The following PPP1R16B variants were observed in gnomAD, a reference collection of about 807,000 sequenced individuals.
PPP1R16B encodes the protein protein phosphatase 1 regulatory subunit 16B.
PPP1R16B carries 14 observed loss-of-function variants against 61.7 expected under a neutral mutation model. That is an observed-to-expected ratio of 0.23 (90% CI 0.15 to 0.35). PPP1R16B has a LOEUF of 0.35. Ranked by LOEUF, PPP1R16B falls within the 10% of genes least tolerant of loss-of-function variation. The probability of loss-of-function intolerance (pLI) is 1.00; values close to 1 mark genes in which losing one functional copy is unlikely to be tolerated. For synonymous variants in PPP1R16B, 266 were observed against 305.3 expected (o/e 0.87, Z 1.34); for missense variants, 547 against 752.5 (o/e 0.73, Z 3.19).
At chr20:38,867,934 A>T (rs902352599) in intron 2 of PPP1R16B, among the ~76,000 whole-genome samples, 1 of 152,160 alleles carries the variant, frequency 6.6e-6, no homozygotes, top group Non-Finnish European at 1.5e-5. Context: ...TGGCCTCCCT[A>T]AGTGCCAGGA....
At chr20:38,911,088 C>T (rs1174908916) in intron 10 of PPP1R16B, among the ~76,000 whole-genome samples, 1 of 152,010 alleles carries the variant, frequency 6.6e-6, no homozygotes, top group Admixed American at 6.6e-5. Context: ...TCAAATGATC[C>T]TCTTGCCTCA....
Position 38,902,814 on chromosome 20 carries a change from A to G in PPP1R16B, c.696+22A>G, listed in dbSNP as rs1324970627. The G allele has an allele frequency of 1.9e-6, 3 of 1,613,928 alleles. No homozygotes were observed. The South Asian group carries it at 3.3e-5, about 18-fold the overall frequency. ...ACTGGTGAGGAGATGGGCCAGTACC[A>G]AAACCAAGACCAGCTAGGTCCGAAG... On this transcript the variant is annotated intron_variant, in intron 6 of 10. Coordinates refer to ENST00000299824, the MANE Select transcript of PPP1R16B (RefSeq NM_015568.4).
At chr20:38,904,362 C>T (rs1244416851) in intron 6 of PPP1R16B, among the ~76,000 whole-genome samples, 1 of 152,202 alleles carries the variant, frequency 6.6e-6, no homozygotes, top group Non-Finnish European at 1.5e-5. Context: ...TCAGGTCTTC[C>T]CAGTAAACTG....
At chr20:38,870,733 G>A (rs1387185048) in intron 2 of PPP1R16B, among the ~76,000 whole-genome samples, 8 of 152,250 alleles carry the variant, frequency 5.3e-5, no homozygotes, top group South Asian at 2.1e-4. Context: ...AAGCAGGACC[G>A]GAGACATGAA....
intron 1 of PPP1R16B, among the ~76,000 whole-genome samples, chr20:38,815,520 G>T (rs2084729934): frequency 1.3e-5 from 2 of 152,254 alleles, no homozygotes; most frequent in Non-Finnish European, 2.9e-5. Context: ...ACATACTGAT[G>T]ATTTTATTCA....
chr20:38,810,494 C>G (rs1359091089), intron 1 of PPP1R16B, among the ~76,000 whole-genome samples: 2 of 152,220 alleles, frequency 1.3e-5, no homozygotes, highest in African/African-American at 4.8e-5. Flanking sequence ...CCATCCTTCC[C>G]TCTTCATTCC....
chr20:38,855,907 CATATATATATATATATATAT>C (rs371138532), intron 2 of PPP1R16B, among the ~76,000 whole-genome samples: 4 of 17,776 alleles, frequency 2.3e-4, no homozygotes, highest in African/African-American at 2.8e-4. Context: ...CAGTTTCCTA[CATATATATATATATATATAT>C]ATATATATAT....
chr20:38,865,295 C>CTT (rs869304041), intron 2 of PPP1R16B, among the ~76,000 whole-genome samples: 1 of 14,234 alleles, frequency 7.0e-5, no homozygotes, highest in Non-Finnish European at 1.2e-4. Context: ...CTTTTTTTTT[C>CTT]TTTTTTTTTT....
At chr20:38,868,551 G>T (rs2085105296) in intron 2 of PPP1R16B, among the ~76,000 whole-genome samples, 1 of 152,096 alleles carries the variant, frequency 6.6e-6, no homozygotes, top group South Asian at 2.1e-4. Context: ...CGCCTGGCTA[G>T]TTTTTGTTTT....
intron 2 of PPP1R16B, among the ~76,000 whole-genome samples, chr20:38,866,603 A>G (rs6028169): frequency 0.1 from 15,823 of 151,956 alleles, 1,893 homozygotes; most frequent in African/African-American, 0.29. Flanking sequence ...TCTTTTTCCC[A>G]TGGAGGGGAT....
intron 6 of PPP1R16B, 89 bp from the exon 7 acceptor site, chr20:38,905,880 C>A: frequency 7.4e-7 from 1 of 1,346,490 alleles, no homozygotes; most frequent in Non-Finnish European, 1.0e-6. Flanking sequence ...CCCAAGGATG[C>A]TGTGGGAGTT....
chr20:38,882,100 A>G (rs1235500622), intron 2 of PPP1R16B, among the ~76,000 whole-genome samples: 1 of 152,186 alleles, frequency 6.6e-6, no homozygotes, highest in African/African-American at 2.4e-5. Flanking sequence ...TATGAGGACT[A>G]ATTGACTTGA....
Position 38,919,627 on chromosome 20 carries a change from C to A in PPP1R16B, c.*961C>A, listed in dbSNP as rs114917423. The A allele has an allele frequency of 6.6e-6, 1 of 152,176 alleles. No individual in the cohort carries two copies. Among genetic ancestry groups the A allele is most frequent in the African/African-American group, 2.4e-5 (1 of 41,514 alleles). 9.4% of individuals were successfully genotyped at this position (152,176 alleles called of 1,614,324 possible). ...GGTCACTGGGTTTTACTGGCTGGTG[C>A]TGGGAAAATGAAGCTAAGTGAGGAG... is the stretch of plus-strand genomic sequence containing the variant. On this transcript the variant is annotated 3_prime_UTR_variant, in exon 11 of 11. Coordinates refer to ENST00000299824, the MANE Select transcript of PPP1R16B (RefSeq NM_015568.4).
chr20:38,837,134 T>G (rs1174995774), intron 2 of PPP1R16B, among the ~76,000 whole-genome samples: 1 of 152,214 alleles, frequency 6.6e-6, no homozygotes, highest in Admixed American at 6.5e-5. Flanking sequence ...TGTAGAGGGA[T>G]GGACTCTGAA....
Position 38,921,579 on chromosome 20 carries a change from A to G in PPP1R16B, c.*2913A>G, listed in dbSNP as rs2085598770. On this transcript the variant is annotated 3_prime_UTR_variant, in exon 11 of 11. Coordinates refer to ENST00000299824, the MANE Select transcript of PPP1R16B (RefSeq NM_015568.4). Reference sequence around the variant, plus strand: ...GCTGTCATGGTCACCCCTGGATAACATTTGCCACCAAGTATAGATGCTGGA... The same window carrying G: ...GCTGTCATGGTCACCCCTGGATAACGTTTGCCACCAAGTATAGATGCTGGA... 6.6e-6 allele frequency: 1 copy of G among 152,118 alleles called. No homozygotes were observed. The highest frequency in any genetic ancestry group is 2.4e-5 in the African/African-American group (1 of 41,434). 9.4% of individuals were successfully genotyped at this position (152,118 alleles called of 1,614,324 possible).
intron 2 of PPP1R16B, among the ~76,000 whole-genome samples, chr20:38,845,921 C>T (rs569837437): frequency 2.0e-4 from 30 of 152,292 alleles, no homozygotes; most frequent in African/African-American, 6.7e-4. Flanking sequence ...GAGAAGCCCT[C>T]ACAGTAGCGT....
chr20:38,867,296 G>C lies in PPP1R16B; in HGVS notation c.251-22299G>C, dbSNP rs2085097044. ...CCTGGTGCTGATGGGGACGAGGTGG[G>C]GAGTGATTCTGGGGGATGGGGATAG... On this transcript the variant is annotated intron_variant, in intron 2 of 10. Transcript: ENST00000299824. 3.9e-5 allele frequency among the ~76,000 whole-genome samples: 6 copies of C among 152,312 alleles called. No individual in the cohort carries two copies. The South Asian group carries it at 1.2e-3, about 32-fold the overall frequency.
At chr20:38,840,436 T>A (rs1049885149) in intron 2 of PPP1R16B, among the ~76,000 whole-genome samples, 103 of 152,352 alleles carry the variant, frequency 6.8e-4, no homozygotes, top group African/African-American at 2.4e-3. Flanking sequence ...TGGACCTGCC[T>A]GAGCCCCATG....
intron 10 of PPP1R16B, among the ~76,000 whole-genome samples, chr20:38,917,685 C>G (rs2085553633): frequency 6.6e-6 from 1 of 152,188 alleles, no homozygotes; most frequent in South Asian, 2.1e-4. Flanking sequence ...GGATCCTGGA[C>G]TTCAAATGGG....
Sources: allele counts gnomAD v4.1 joint callset (sites outside exome capture counted in the v4.1 genomes callset), GRCh38; gene constraint gnomAD v4.1.1; transcripts MANE v1.5; gene names NCBI Gene and HGNC (gene_info 2026-07-23, HGNC 2026-07-21).